The following AGMO variants were observed in gnomAD, a reference collection of about 807,000 sequenced individuals.
AGMO encodes glyceryl-ether monooxygenase.
AGMO carries 75 observed loss-of-function variants against 60.2 expected under a neutral mutation model. That is an observed-to-expected ratio of 1.25 (90% confidence interval 1.03 to 1.51). The LOEUF (loss-of-function observed/expected upper bound fraction) is 1.51, where lower values mean the gene tolerates loss of function less well. Among genes scored for constraint, AGMO ranks in the 40% most tolerant of loss-of-function variants. The probability of loss-of-function intolerance (pLI) is 0.00; values close to 1 mark genes in which losing one functional copy is unlikely to be tolerated. For synonymous variants in AGMO, 261 were observed against 177.1 expected (o/e 1.47, Z -3.76); for missense variants, 763 against 525.5 (o/e 1.45, Z -4.42).
chr7:15,336,705 G>C (rs1345256891), intron 12 of AGMO, among the ~76,000 whole-genome samples: 1 of 152,062 alleles, frequency 6.6e-6, no homozygotes, highest in Non-Finnish European at 1.5e-5. Flanking sequence ...GATACATTTT[G>C]AGAAAGTCAT....
intron 3 of AGMO, among the ~76,000 whole-genome samples, chr7:15,445,769 G>A (rs530885131): frequency 2.0e-5 from 3 of 152,176 alleles, no homozygotes; most frequent in African/African-American, 7.2e-5. Context: ...AAGACATGTA[G>A]GGATGTTCAT....
intron 4 of AGMO, among the ~76,000 whole-genome samples, chr7:15,429,561 TTC>T (rs1011946848): frequency 6.6e-6 from 1 of 151,974 alleles, no homozygotes; most frequent in African/African-American, 2.4e-5. Flanking sequence ...GATAATAAAT[TTC>T]TGTTTTTTTA....
chr7:15,362,271 G>T (rs369672986), intron 12 of AGMO, among the ~76,000 whole-genome samples: 6 of 152,090 alleles, frequency 3.9e-5, no homozygotes, highest in Admixed American at 6.5e-5. Context: ...GTAACTGGTT[G>T]TAATTTTTAC....
At chr7:15,238,963 GA>G (rs2128502196) in intron 12 of AGMO, among the ~76,000 whole-genome samples, 1 of 152,198 alleles carries the variant, frequency 6.6e-6, no homozygotes, top group African/African-American at 2.4e-5. Context: ...TGCACATAAT[GA>G]CTTTTTGAAG....
chr7:15,204,529 A>C (rs1182355319), intron 12 of AGMO, among the ~76,000 whole-genome samples: 2 of 152,204 alleles, frequency 1.3e-5, no homozygotes, highest in Admixed American at 1.3e-4. Context: ...CTCAATGCAC[A>C]CTTATTGTAT....
At chr7:15,198,239 G>GAC (rs1781179528), downstream of AGMO, among the ~76,000 whole-genome samples, 1 of 108,894 alleles carries the variant, frequency 9.2e-6, no homozygotes, top group Admixed American at 1.0e-4. Flanking sequence ...GAGAGAGAGA[G>GAC]AGAGAGAGAG....
At chr7:15,163,882 T>C in the AGMO span, among the ~76,000 whole-genome samples, 54 of 152,186 alleles carry the variant, frequency 3.5e-4, no homozygotes, top group Non-Finnish European at 6.3e-4. Context: ...TTTTCTGAAA[T>C]AGTTTTAGTA....
chr7:15,316,104 G>T (rs919119973), intron 12 of AGMO, among the ~76,000 whole-genome samples: 1 of 152,146 alleles, frequency 6.6e-6, no homozygotes, highest in African/African-American at 2.4e-5. Flanking sequence ...CATCAAAATG[G>T]CAGCCACTAG....
chr7:15,438,006 G>C (rs1199125122), intron 3 of AGMO, among the ~76,000 whole-genome samples: 2 of 151,932 alleles, frequency 1.3e-5, no homozygotes, highest in Non-Finnish European at 2.9e-5. Flanking sequence ...TTCGTGTTCA[G>C]ATGGAAGCTT....
In AGMO at chr7:15,354,359, T is replaced by TGTGTATATAGACGC. The variant is rs1554422587; in HGVS notation, c.1263+11154_1263+11155insGCGTCTATATACAC. 1.8e-4 allele frequency among the ~76,000 whole-genome samples: 11 copies of TGTGTATATAGACGC among 59,500 alleles called. 1 individual carries two copies. The highest frequency in any genetic ancestry group is 2.1e-4 in the African/African-American group (2 of 9,340). 39.0% of individuals were successfully genotyped at this position (59,500 alleles called of 152,430 possible). A position where few individuals can be genotyped will look rare whatever the true frequency, so the allele number is the denominator to read the frequency against. On this transcript the variant is annotated intron_variant, in intron 12 of 12. Transcript: ENST00000342526. ...GTATATACACGCGTGTATATAGACG[T>TGTGTATATAGACGC]GTGTATATAGACGTGTGTATACACG...
chr7:15,364,053 G>C (rs1297246867), intron 12 of AGMO, among the ~76,000 whole-genome samples: 2 of 151,800 alleles, frequency 1.3e-5, no homozygotes, highest in Non-Finnish European at 2.9e-5. Flanking sequence ...CTGTAATGCA[G>C]AATATATTAA....
intron 12 of AGMO, among the ~76,000 whole-genome samples, chr7:15,292,740 C>CA: frequency 7.3e-6 from 1 of 137,710 alleles, no homozygotes; most frequent in South Asian, 2.3e-4. Context: ...CAGTCTCCTC[C>CA]TTTTTTTTTC....
the AGMO span, among the ~76,000 whole-genome samples, chr7:15,156,828 G>C: frequency 9.2e-5 from 14 of 152,036 alleles, no homozygotes; most frequent in Admixed American, 3.3e-4. Context: ...AGTGGAAAAA[G>C]CTCTTCTTAG....
the AGMO span, among the ~76,000 whole-genome samples, chr7:15,151,055 A>G: frequency 1.3e-5 from 2 of 152,040 alleles, no homozygotes; most frequent in Non-Finnish European, 2.9e-5. Flanking sequence ...GGGAGGTTGT[A>G]TATCTCTGGG....
At chr7:15,326,041 T>G (rs1781329664) in intron 12 of AGMO, among the ~76,000 whole-genome samples, 1 of 152,138 alleles carries the variant, frequency 6.6e-6, no homozygotes, top group African/African-American at 2.4e-5. Flanking sequence ...GGAAATATTC[T>G]CATTAGAAGC....
At chr7:15,340,741 C>G (rs1012876770) in intron 12 of AGMO, among the ~76,000 whole-genome samples, 1 of 152,184 alleles carries the variant, frequency 6.6e-6, no homozygotes, top group Non-Finnish European at 1.5e-5. Flanking sequence ...ACCTGGTTGT[C>G]CAGGCAGAGG....
At chr7:15,251,282 T>C (rs1782928151) in intron 12 of AGMO, among the ~76,000 whole-genome samples, 1 of 152,110 alleles carries the variant, frequency 6.6e-6, no homozygotes, top group African/African-American at 2.4e-5. Context: ...AGATTTGGAA[T>C]TTTGAACTTA....
intron 5 of AGMO, among the ~76,000 whole-genome samples, chr7:15,394,703 C>T (rs937639347): frequency 1.3e-5 from 2 of 152,054 alleles, no homozygotes; most frequent in Non-Finnish European, 2.9e-5. Flanking sequence ...TTATGTTTCC[C>T]GGAGTTGTTT....
the AGMO span, among the ~76,000 whole-genome samples, chr7:15,158,792 T>C: frequency 6.6e-6 from 1 of 152,156 alleles, no homozygotes; most frequent in East Asian, 1.9e-4. Flanking sequence ...GGGAGATAAA[T>C]TGTATAATGT....
Sources: allele counts gnomAD v4.1 joint callset (sites outside exome capture counted in the v4.1 genomes callset), GRCh38; gene constraint gnomAD v4.1.1; transcripts MANE v1.5; gene names NCBI Gene and HGNC (gene_info 2026-07-23, HGNC 2026-07-21).